TENM2: variants seen among roughly 807,000 people sequenced by gnomAD.
TENM2 encodes teneurin-2.
A neutral mutation model predicts 245.2 loss-of-function variants in TENM2; 52 were observed. That is an observed-to-expected ratio of 0.21 (90% CI 0.17 to 0.27). TENM2 has a LOEUF of 0.27. Among genes scored for constraint, TENM2 ranks in the 10% least tolerant of loss-of-function variants. TENM2 has a pLI of 1.00. For synonymous variants in TENM2, 1,363 were observed against 1,438.9 expected (o/e 0.95, Z 1.19); for missense variants, 3,046 against 3,666.8 (o/e 0.83, Z 4.37).
At chr5:168,262,266 G>A (rs748957343) in exon 29 of TENM2, 20 of 1,606,700 alleles carry the variant, frequency 1.2e-5, no homozygotes, top group Admixed American at 5.1e-5. Context: ...GAAGATAGCC[G>A]CAAGGTGGCA....
At chr5:167,551,919 CAG>C (rs1772972838) in intron 2 of TENM2, among the ~76,000 whole-genome samples, 1 of 152,174 alleles carries the variant, frequency 6.6e-6, no homozygotes, top group South Asian at 2.1e-4. Context: ...GGTGAGGGAA[CAG>C]GGGAATGTGG....
chr5:167,952,709 G>A, exon 4 of TENM2: 2 of 1,610,168 alleles, frequency 1.2e-6, no homozygotes, highest in Non-Finnish European at 1.7e-6. Context: ...TGACCAATCG[G>A]CGGAGTCAGA....
At chr5:167,266,833 C>T in the TENM2 span, among the ~76,000 whole-genome samples, 8 of 152,256 alleles carry the variant, frequency 5.3e-5, no homozygotes, top group South Asian at 4.1e-4. Flanking sequence ...ATAAAAGTCA[C>T]GCCGGTTCAT....
chr5:167,941,223 T>C (rs537023198), intron 3 of TENM2, among the ~76,000 whole-genome samples: 2 of 152,284 alleles, frequency 1.3e-5, no homozygotes, highest in African/African-American at 4.8e-5. Context: ...CTTGATTTTA[T>C]TTTAAGGTTT....
intron 2 of TENM2, among the ~76,000 whole-genome samples, chr5:167,642,754 TG>T (rs1197369097): frequency 6.6e-6 from 1 of 152,190 alleles, no homozygotes; most frequent in East Asian, 1.9e-4. Flanking sequence ...CTTAACTCAG[TG>T]AACTCAGAGA....
the TENM2 span, among the ~76,000 whole-genome samples, chr5:167,054,040 G>A: frequency 1.3e-5 from 2 of 152,114 alleles, no homozygotes; most frequent in African/African-American, 4.8e-5. Context: ...CATTGACACA[G>A]TATTATCATC....
intron 12 of TENM2, among the ~76,000 whole-genome samples, chr5:168,137,550 T>G (rs1302587992): frequency 6.6e-6 from 1 of 152,240 alleles, no homozygotes; most frequent in Non-Finnish European, 1.5e-5. Flanking sequence ...TCCTGTCTAA[T>G]GACACAAAAC....
the TENM2 span, among the ~76,000 whole-genome samples, chr5:166,981,595 G>A: frequency 6.6e-6 from 1 of 152,132 alleles, no homozygotes; most frequent in African/African-American, 2.4e-5. Context: ...AACTGACCAG[G>A]CTAAGGGCTT....
At chr5:167,272,788 C>T in the TENM2 span, among the ~76,000 whole-genome samples, 1 of 152,074 alleles carries the variant, frequency 6.6e-6, no homozygotes. Flanking sequence ...TTAGAAGACA[C>T]AAATATTTAA....
the TENM2 span, among the ~76,000 whole-genome samples, chr5:167,222,603 C>A: frequency 7.0e-6 from 1 of 142,600 alleles, no homozygotes; most frequent in Non-Finnish European, 1.5e-5. Context: ...AAAAATGAAT[C>A]ACTTTTATTT....
the TENM2 span, among the ~76,000 whole-genome samples, chr5:167,136,176 T>C: frequency 6.6e-6 from 1 of 152,250 alleles, no homozygotes; most frequent in Non-Finnish European, 1.5e-5. Flanking sequence ...ATATTTTCCA[T>C]GTCTGCATAC....
At chr5:167,033,027 T>C in the TENM2 span, among the ~76,000 whole-genome samples, 1 of 152,138 alleles carries the variant, frequency 6.6e-6, no homozygotes, top group African/African-American at 2.4e-5. Context: ...TTCATGTAGG[T>C]AGGGCAATGG....
At chr5:167,952,667 C>T (rs761995898) in exon 4 of TENM2, 14 of 1,613,220 alleles carry the variant, frequency 8.7e-6, no homozygotes, top group Non-Finnish European at 1.2e-5. Context: ...CCCATCACCA[C>T]TCGTCCGCCA....
intron 4 of TENM2, among the ~76,000 whole-genome samples, chr5:167,988,705 G>T (rs929109959): frequency 1.3e-5 from 2 of 152,230 alleles, no homozygotes; most frequent in African/African-American, 4.8e-5. Flanking sequence ...CCAGAGGGCA[G>T]ATCATGCAGA....
the TENM2 span, among the ~76,000 whole-genome samples, chr5:167,171,828 G>A: frequency 1.3e-5 from 2 of 152,136 alleles, no homozygotes; most frequent in Admixed American, 6.5e-5. Flanking sequence ...ATTCCACAGG[G>A]TGCGTGAAGC....
chr5:167,613,492 G>A (rs1777601736), intron 2 of TENM2, among the ~76,000 whole-genome samples: 1 of 152,104 alleles, frequency 6.6e-6, no homozygotes, highest in African/African-American at 2.4e-5. Flanking sequence ...CTGGGATCCA[G>A]GTAACTGAGG....
intron 2 of TENM2, among the ~76,000 whole-genome samples, chr5:167,485,289 G>A (rs368579772): frequency 7.9e-5 from 12 of 152,210 alleles, no homozygotes; most frequent in African/African-American, 9.6e-5. Flanking sequence ...AGGAAGAAGC[G>A]GAGACACTAA....
chr5:167,435,939 A>ATAC (rs144285119), intron 2 of TENM2, among the ~76,000 whole-genome samples: 10,665 of 148,512 alleles, frequency 0.072, 717 homozygotes, highest in East Asian at 0.37. Flanking sequence ...ATGAGTCAGG[A>ATAC]TACCTGGTAG....
chr5:168,157,986 G>A (rs1401920295), intron 12 of TENM2, among the ~76,000 whole-genome samples: 5 of 152,142 alleles, frequency 3.3e-5, no homozygotes, highest in East Asian at 1.9e-4. Flanking sequence ...GCAGTAGCAC[G>A]ATCTTGACTC....
Sources: allele counts gnomAD v4.1 joint callset (sites outside exome capture counted in the v4.1 genomes callset), GRCh38; gene constraint gnomAD v4.1.1; transcripts MANE v1.5; gene names NCBI Gene and HGNC (gene_info 2026-07-23, HGNC 2026-07-21).